Variants in TAB3 observed in about 807,000 individuals in gnomAD.
TAB3 encodes the protein TGF-beta activated kinase 1 (MAP3K7) binding protein 3.
Under a neutral mutation model 48.1 loss-of-function variants are expected in TAB3, and 18 were observed. That is an observed-to-expected ratio of 0.37 (90% confidence interval 0.26 to 0.55). The LOEUF is 0.55. TAB3 is among the 20% of genes least tolerant of loss of function. The probability of loss-of-function intolerance (pLI) is 0.78; values close to 1 mark genes in which losing one functional copy is unlikely to be tolerated. For missense variants in TAB3, 414 were observed against 549.8 expected (o/e 0.75, Z 2.47); for synonymous variants, 185 against 190.2 (o/e 0.97, Z 0.22).
intron 4 of TAB3, 157 bp from the exon 5 acceptor site, chrX:30,859,835 A>G (rs749615650): frequency 1.1e-5 from 4 of 372,245 alleles, no homozygotes; most frequent in Non-Finnish European, 1.4e-5. Context: ...CCCCTCCACA[A>G]TGCTGCCAAA....
At position 30,831,312 on chromosome X, in the gene TAB3, C is replaced by G; in HGVS notation, c.*115G>C. ...GACGACCACAAAGCCATTCCTCCTC[C>G]CCGCTGTGCAATCGAAAATGAAAAG... On this transcript the variant is annotated 3_prime_UTR_variant, in exon 11 of 11. Transcript: ENST00000288422. 1.1e-6 allele frequency: 1 copy of G among 883,887 alleles called. No homozygotes were observed. The highest frequency in any genetic ancestry group is 1.5e-6 in the Non-Finnish European group (1 of 660,422). The allele number at this position is 883,887 out of a possible 1,213,427, so 72.8% of individuals were successfully genotyped here. A position where few individuals can be genotyped will look rare whatever the true frequency, so the allele number is the denominator to read the frequency against.
At chrX:30,868,861 C>A (rs1234404940) in intron 2 of TAB3, among the ~76,000 whole-genome samples, 2 of 106,726 alleles carry the variant, frequency 1.9e-5, no homozygotes, top group Non-Finnish European at 3.9e-5. Flanking sequence ...AAATAACATA[C>A]CCTGTGTTTA....
intron 2 of TAB3, among the ~76,000 whole-genome samples, chrX:30,867,966 G>A (rs1173268837): frequency 9.7e-6 from 1 of 102,941 alleles, no homozygotes; most frequent in Non-Finnish European, 2.0e-5. Context: ...GCAAACTCAC[G>A]GCTCACTGCA....
chrX:30,888,729 C>T (rs1424625736), intron 1 of TAB3, among the ~76,000 whole-genome samples: 1 of 113,039 alleles, frequency 8.8e-6, no homozygotes, highest in East Asian at 2.8e-4. Context: ...GCTGCTAGTC[C>T]TCATCCTCAA....
chrX:30,839,946 T>A (rs867717478), intron 9 of TAB3, among the ~76,000 whole-genome samples: 87 of 96,477 alleles, frequency 9.0e-4, no homozygotes, highest in African/African-American at 3.3e-3. Flanking sequence ...ATATATATAA[T>A]ATATATTAAA....
intron 5 of TAB3, 113 bp downstream of exon 5, chrX:30,859,360 CCACACACACACACA>C (rs137921689): frequency 1.5e-5 from 6 of 391,977 alleles, no homozygotes; most frequent in Admixed American, 4.8e-5. Context: ...AAATCCTGCT[CCACACACACACACA>C]CACACACACA....
intron 1 of TAB3, among the ~76,000 whole-genome samples, chrX:30,879,697 G>A (rs146997033): frequency 0.028 from 3,163 of 111,001 alleles, 89 homozygotes; most frequent in Admixed American, 0.13. Flanking sequence ...AGACAATAGC[G>A]CCACTATTAC....
intron 8 of TAB3, 137 bp downstream of exon 8, chrX:30,846,412 CAG>C: frequency 2.3e-6 from 1 of 438,535 alleles, no homozygotes; most frequent in Middle Eastern, 4.8e-4. Flanking sequence ...GACCATGGGA[CAG>C]GGGGATCTCT....
chrX:30,841,799 C>T (rs1017584979), intron 9 of TAB3, among the ~76,000 whole-genome samples: 5 of 112,232 alleles, frequency 4.5e-5, no homozygotes, highest in African/African-American at 1.6e-4. Context: ...AATCTACATT[C>T]AATGACTACT....
At chrX:30,866,033 C>T (rs995634242) in intron 4 of TAB3, among the ~76,000 whole-genome samples, 1 of 111,461 alleles carries the variant, frequency 9.0e-6, no homozygotes, top group South Asian at 3.7e-4. Flanking sequence ...AACAGTCATC[C>T]TATAGGATTT....
At chrX:30,847,416 A>G (rs549248316) in intron 7 of TAB3, among the ~76,000 whole-genome samples, 168 of 109,083 alleles carry the variant, frequency 1.5e-3, no homozygotes, top group South Asian at 2.3e-3. Context: ...AAATGTGAAG[A>G]GAGTCCTAAT....
intron 1 of TAB3, among the ~76,000 whole-genome samples, chrX:30,874,442 T>C (rs1939763819): frequency 8.9e-6 from 1 of 112,089 alleles, no homozygotes; most frequent in African/African-American, 3.2e-5. Flanking sequence ...GAAACTAGTA[T>C]GGTAAAACGT....
At chrX:30,839,780 G>T (rs922152756) in intron 9 of TAB3, among the ~76,000 whole-genome samples, 1 of 108,810 alleles carries the variant, frequency 9.2e-6, no homozygotes, top group African/African-American at 3.3e-5. Flanking sequence ...TTTTCTCAAA[G>T]AGTTTAAGAT....
chrX:30,854,196 G>A lies in TAB3; in HGVS notation c.1469C>T (p.Pro490Leu). 1.7e-6 allele frequency: 2 copies of A among 1,211,068 alleles called. No individual in the cohort carries two copies. The highest frequency in any genetic ancestry group is 2.2e-6 in the Non-Finnish European group (2 of 895,161). The change falls in exon 6 of 11, where the codon CCA becomes CTA. Residue 490 changes from proline (P) to leucine (L), a missense_variant. Transcript: ENST00000288422. ...PEPIQPISVIPGSGGEKGSHK... is the reference protein window; with the variant it reads ...PEPIQPISVILGSGGEKGSHK... Reference sequence around the variant, plus strand: ...GCTTCCCTTTTCTCCCCCAGAGCCTGGTATCACTGAAATGGGCTGAATAGG... The same window carrying A: ...GCTTCCCTTTTCTCCCCCAGAGCCTAGTATCACTGAAATGGGCTGAATAGG...
intron 9 of TAB3, among the ~76,000 whole-genome samples, chrX:30,837,746 A>G (rs1938284053): frequency 8.9e-6 from 1 of 112,281 alleles, no homozygotes; most frequent in Non-Finnish European, 1.9e-5. Flanking sequence ...TGACCTGTCC[A>G]AAAACTTTTA....
At chrX:30,842,265 C>T (rs777485137) in intron 9 of TAB3, among the ~76,000 whole-genome samples, 3 of 111,879 alleles carry the variant, frequency 2.7e-5, no homozygotes, top group Non-Finnish European at 3.8e-5. Context: ...AATACCTAGT[C>T]GCTACCAATT....
chrX:30,855,043 T>G lies in TAB3; in HGVS notation c.622A>C (p.Thr208Pro). 1 of 1,211,269 alleles carries G rather than the reference T, an allele frequency of 8.3e-7. No individual in the cohort carries two copies. Among genetic ancestry groups the G allele is most frequent in the Non-Finnish European group, 1.1e-6 (1 of 895,180 alleles). Reference sequence around the variant, plus strand: ...AGAATTTGTAAAGCTCTTGGTACAGTCTGTCCAGAAGGGAGGTTCTGGGAT... The same window carrying G: ...AGAATTTGTAAAGCTCTTGGTACAGGCTGTCCAGAAGGGAGGTTCTGGGAT... ...TVSQNLPSGQ[T>P]VPRALQILPQ... The change falls in exon 6 of 11, where the codon ACT becomes CCT. Residue 208 changes from threonine (T) to proline (P), a missense_variant. Coordinates refer to ENST00000288422, the MANE Select transcript of TAB3 (RefSeq NM_152787.5).
At chrX:30,854,014 T>A in intron 6 of TAB3, 102 bp downstream of exon 6, 1 of 965,524 alleles carries the variant, frequency 1.0e-6, no homozygotes, top group African/African-American at 2.0e-5. Context: ...TGCCCAACAT[T>A]TAATACTAAA....
At chrX:30,837,969 T>A (rs1035536287) in intron 9 of TAB3, among the ~76,000 whole-genome samples, 16 of 112,569 alleles carry the variant, frequency 1.4e-4, no homozygotes, top group Non-Finnish European at 3.0e-4. Context: ...TTGTCAAATA[T>A]CAAATGACAG....
Sources: gnomAD v4.1 joint callset for allele counts (sites outside exome capture counted in the v4.1 genomes callset) on GRCh38, gnomAD v4.1.1 for gene constraint, MANE v1.5 for transcripts, NCBI Gene and HGNC (gene_info 2026-07-23, HGNC 2026-07-21) for gene names.